ZNF407: variants seen among roughly 807,000 people sequenced by gnomAD.
ZNF407 encodes zinc finger protein 407.
A neutral mutation model predicts 131.2 loss-of-function variants in ZNF407; 17 were observed. The ratio of observed to expected loss-of-function variants is 0.13; its 90% CI spans 0.09 to 0.19. ZNF407 has a LOEUF of 0.19. Among genes scored for constraint, ZNF407 ranks in the 10% least tolerant of loss-of-function variants. The pLI, the probability that ZNF407 is intolerant of heterozygous loss-of-function variation, is 1.00. For synonymous variants in ZNF407, 1,156 were observed against 1,062.0 expected, an observed-to-expected ratio of 1.09 and a Z score of -1.72; for missense variants, 2,681 against 2,830.6, an observed-to-expected ratio of 0.95 and a Z score of 1.20.
At chr18:74,746,301 A>G (rs570290318) in intron 3 of ZNF407, among the ~76,000 whole-genome samples, 1 of 152,274 alleles carries the variant, frequency 6.6e-6, no homozygotes, top group South Asian at 2.1e-4. Context: ...GAGGCCTAGG[A>G]CATTACTGTA....
intron 8 of ZNF407, among the ~76,000 whole-genome samples, chr18:75,014,498 G>C (rs1973020083): frequency 6.6e-6 from 1 of 151,870 alleles, no homozygotes; most frequent in African/African-American, 2.4e-5. Flanking sequence ...GTTTGCTTTT[G>C]ATAAACATGC....
At chr18:74,973,799 G>T (rs913933777) in intron 8 of ZNF407, among the ~76,000 whole-genome samples, 1 of 152,162 alleles carries the variant, frequency 6.6e-6, no homozygotes. Context: ...CCCTTGGCTT[G>T]TGGCAGCGTA....
chr18:74,814,514 TG>T (rs1357334646), intron 4 of ZNF407, among the ~76,000 whole-genome samples: 2 of 152,212 alleles, frequency 1.3e-5, no homozygotes, highest in African/African-American at 4.8e-5. Flanking sequence ...AGGATTTATT[TG>T]AATATAAGTT....
intron 8 of ZNF407, among the ~76,000 whole-genome samples, chr18:75,009,527 A>G (rs992711154): frequency 6.6e-6 from 1 of 152,208 alleles, no homozygotes; most frequent in Non-Finnish European, 1.5e-5. Flanking sequence ...CAGTGAAGTA[A>G]CCGTTCTTAC....
At chr18:74,777,748 TCTC>T (rs1428394409) in intron 3 of ZNF407, among the ~76,000 whole-genome samples, 332 of 87,450 alleles carry the variant, frequency 3.8e-3, no homozygotes, top group Admixed American at 0.012. Context: ...TCTCTCTCTC[TCTC>T]ATTCACTCAA....
intron 3 of ZNF407, among the ~76,000 whole-genome samples, chr18:74,760,732 C>T (rs1315923387): frequency 6.6e-6 from 1 of 152,080 alleles, no homozygotes; most frequent in Non-Finnish European, 1.5e-5. Flanking sequence ...AGTTCCTAAC[C>T]TGTTTGACCG....
intron 1 of ZNF407, among the ~76,000 whole-genome samples, chr18:74,617,050 C>T (rs1983333760): frequency 7.9e-6 from 1 of 126,224 alleles, no homozygotes; most frequent in South Asian, 2.7e-4. Context: ...CACACACATC[C>T]ATATCCACAC....
rs184612039 is a variant in ZNF407, at chr18:74,806,858, G to A, written c.4877+25356G>A. On this transcript the variant is annotated intron_variant, in intron 4 of 8. Coordinates refer to ENST00000299687, the MANE Select transcript of ZNF407 (RefSeq NM_017757.3). ...TGCTTGACATGTAGAAGCTATTCTA[G>A]GACTATGAGTCACCTTTACCTCACA... Among the ~76,000 whole-genome samples the A allele has an allele frequency of 2.6e-3, 402 of 152,290 alleles. 4 individuals carry two copies. The highest frequency in any genetic ancestry group is 9.1e-3 in the African/African-American group (380 of 41,562).
At chr18:74,930,456 C>T (rs559022520) in intron 8 of ZNF407, among the ~76,000 whole-genome samples, 2 of 152,202 alleles carry the variant, frequency 1.3e-5, no homozygotes, top group Middle Eastern at 3.4e-3. Context: ...GCCTATTTCT[C>T]CCCAGTCATT....
In ZNF407 at chr18:74,633,616, C is replaced by T. The variant is rs773685318; in HGVS notation, c.2597C>T (p.Thr866Ile). 9 of 1,614,006 alleles carry T rather than the reference C, an allele frequency of 5.6e-6. No individual in the cohort carries two copies. The highest frequency in any genetic ancestry group is 1.7e-5 in the Admixed American group (1 of 60,024). ...GLLASSITNL[T>I]VHIRRKHSHQ... is the part of the protein sequence containing the mutation. Reference sequence around the variant, plus strand: ...TTGGCCTCTAGTATTACAAACTTGACTGTTCACATTAGACGAAAACACAGT... The same window carrying T: ...TTGGCCTCTAGTATTACAAACTTGATTGTTCACATTAGACGAAAACACAGT... Residue 866 changes from threonine to isoleucine, a missense_variant, in exon 2 of 9, where the codon ACT (threonine) becomes ATT (isoleucine). Thr to Ile is a moderately conservative substitution (Grantham distance 89). Transcript: ENST00000299687.
At chr18:74,676,755 T>C (rs1406757056) in intron 3 of ZNF407, among the ~76,000 whole-genome samples, 1 of 152,172 alleles carries the variant, frequency 6.6e-6, no homozygotes, top group East Asian at 1.9e-4. Context: ...AAAATAATGA[T>C]TCACTATGTC....
intron 7 of ZNF407, among the ~76,000 whole-genome samples, chr18:74,897,381 TAGA>T (rs1013086288): frequency 6.6e-6 from 1 of 152,214 alleles, no homozygotes; most frequent in African/African-American, 2.4e-5. Flanking sequence ...ACAGATTAAT[TAGA>T]AGAGTCATTT....
chr18:74,632,528 G>GGCA lies in ZNF407; in HGVS notation c.1510_1511insCAG (p.Gln503_Gly504insAla). The GGCA allele has an allele frequency of 6.2e-7, 1 of 1,614,052 alleles. No individual in the cohort carries two copies. Among genetic ancestry groups the GGCA allele is most frequent in the Non-Finnish European group, 8.5e-7 (1 of 1,179,912 alleles). On this transcript the variant is annotated inframe_insertion, in exon 2 of 9. Transcript: ENST00000299687. ...AAACCCAGGAGGCAGAGCAGGGCCA[G>GGCA]GGGAGTGCCCGTCCTCCGGACTCCG...
intron 8 of ZNF407, among the ~76,000 whole-genome samples, chr18:74,991,182 T>C (rs569631515): frequency 1.3e-5 from 2 of 152,302 alleles, no homozygotes; most frequent in Admixed American, 1.3e-4. Context: ...CTTATGAAAC[T>C]AAAAAGCTGA....
chr18:75,051,449 A>C (rs187901762), intron 8 of ZNF407, among the ~76,000 whole-genome samples: 1 of 152,210 alleles, frequency 6.6e-6, no homozygotes, highest in African/African-American at 2.4e-5. Context: ...ACTAAGTGAA[A>C]TAGATCATTG....
At chr18:74,694,834 A>G (rs1967313465) in intron 3 of ZNF407, among the ~76,000 whole-genome samples, 1 of 152,150 alleles carries the variant, frequency 6.6e-6, no homozygotes, top group Non-Finnish European at 1.5e-5. Context: ...TATACTTTGT[A>G]ATTTCTGTAC....
chr18:74,792,027 A>G (rs1969835451), intron 4 of ZNF407, among the ~76,000 whole-genome samples: 1 of 152,222 alleles, frequency 6.6e-6, no homozygotes, highest in African/African-American at 2.4e-5. Context: ...GTCACCCTCA[A>G]GTTCATTGTA....
intron 4 of ZNF407, among the ~76,000 whole-genome samples, chr18:74,838,088 C>A (rs755436090): frequency 6.6e-6 from 1 of 152,118 alleles, no homozygotes; most frequent in Admixed American, 6.5e-5. Flanking sequence ...CAGTTACTTT[C>A]GTATTTGTTG....
intron 8 of ZNF407, among the ~76,000 whole-genome samples, chr18:74,933,359 C>T (rs1305575000): frequency 1.3e-5 from 2 of 151,956 alleles, no homozygotes; most frequent in Admixed American, 6.6e-5. Context: ...CTAGAGTAGT[C>T]GAAGTCAAAG....
Sources: gnomAD v4.1 joint callset for allele counts (sites outside exome capture counted in the v4.1 genomes callset) on GRCh38, gnomAD v4.1.1 for gene constraint, MANE v1.5 for transcripts, NCBI Gene and HGNC (gene_info 2026-07-23, HGNC 2026-07-21) for gene names.